TYR: variants seen among roughly 807,000 people sequenced by gnomAD.
TYR encodes LB24-AB.
A neutral mutation model predicts 51.5 loss-of-function variants in TYR; 58 were observed. The observed-to-expected ratio is 1.13, with a 90% confidence interval of 0.91 to 1.40. The LOEUF (loss-of-function observed/expected upper bound fraction) is 1.40, where lower values mean the gene tolerates loss of function less well. TYR is among the 40% of genes most tolerant of loss of function. TYR has a pLI of 0.00. For missense variants in TYR, 732 were observed against 647.4 expected, an observed-to-expected ratio of 1.13 and a Z score of -1.42; for synonymous variants, 263 against 235.2, an observed-to-expected ratio of 1.12 and a Z score of -1.08.
At chr11:89,290,399 T>A (rs113503769) in intron 4 of TYR, among the ~76,000 whole-genome samples, 2,166 of 152,166 alleles carry the variant, frequency 0.014, 43 homozygotes, top group African/African-American at 0.049. Flanking sequence ...AGAAATAGTA[T>A]TTAAAAGCTG....
intron 4 of TYR, among the ~76,000 whole-genome samples, chr11:89,290,788 A>C (rs1191498687): frequency 6.6e-6 from 1 of 152,044 alleles, no homozygotes; most frequent in African/African-American, 2.4e-5. Context: ...CTGCAAGGTA[A>C]GCCCAGGATG....
chr11:89,238,464 AT>A (rs1223065769), intron 3 of TYR, among the ~76,000 whole-genome samples: 1 of 152,026 alleles, frequency 6.6e-6, no homozygotes, highest in African/African-American at 2.4e-5. Flanking sequence ...TACTGAAGTC[AT>A]TTTTTAATTT....
chr11:89,195,261 T>C (rs1406668554), intron 2 of TYR, among the ~76,000 whole-genome samples: 2 of 152,240 alleles, frequency 1.3e-5, no homozygotes, highest in Non-Finnish European at 2.9e-5. Flanking sequence ...AAAATATTCA[T>C]AGTCATTGCT....
At chr11:89,206,672 A>AC (rs56674263) in intron 2 of TYR, among the ~76,000 whole-genome samples, 10 of 151,132 alleles carry the variant, frequency 6.6e-5, no homozygotes, top group African/African-American at 2.4e-4. Context: ...AACAACAACA[A>AC]AAAATATTTA....
In TYR at chr11:89,227,803, CA is replaced by C. The variant is rs2135281721; in HGVS notation, c.1037-19del. 2 of 1,603,088 alleles carry C rather than the reference CA, an allele frequency of 1.2e-6. No homozygotes were observed. Among genetic ancestry groups the C allele is most frequent in the East Asian group, 4.5e-5 (2 of 44,674 alleles). On this transcript the variant is annotated intron_variant, in intron 2 of 4. Transcript: ENST00000263321. Reference sequence around the variant, plus strand: ...GTCATTAAAGTAAACATATTTTTTTCATTTTTTTTTAATGAACAGGATTTGC... The same window carrying C: ...GTCATTAAAGTAAACATATTTTTTTCTTTTTTTTTAATGAACAGGATTTGC...
intron 3 of TYR, among the ~76,000 whole-genome samples, chr11:89,237,638 T>C (rs995340837): frequency 2.0e-5 from 3 of 152,192 alleles, no homozygotes; most frequent in Non-Finnish European, 4.4e-5. Flanking sequence ...TCTCCTGCTT[T>C]GTTTTTATTA....
At chr11:89,199,002 C>T (rs1201814167) in intron 2 of TYR, among the ~76,000 whole-genome samples, 2 of 152,032 alleles carry the variant, frequency 1.3e-5, no homozygotes, top group African/African-American at 2.4e-5. Context: ...TGAGTGAGAA[C>T]ATGCGGTGTT....
rs540781124 is a variant in TYR at position 89,212,482 on chromosome 11, A to T, written c.1037-15341A>T. On this transcript the variant is annotated intron_variant, in intron 2 of 4. Coordinates refer to ENST00000263321, the MANE Select transcript of TYR (RefSeq NM_000372.5). ...CTAAAAAAAGTCCAGGATCAGATGG[A>T]TTCACAGCCGAATTCCACCAGAGGT... 2.0e-5 allele frequency among the ~76,000 whole-genome samples: 3 copies of T among 152,324 alleles called. No homozygotes were observed. The South Asian group carries it at 6.2e-4, about 32-fold the overall frequency.
chr11:89,182,711 G>A (rs1943317844), intron 1 of TYR, among the ~76,000 whole-genome samples: 1 of 152,044 alleles, frequency 6.6e-6, no homozygotes, highest in South Asian at 2.1e-4. Flanking sequence ...AATTAAAATA[G>A]TTCATTATAT....
At position 89,194,447 on chromosome 11, in the gene TYR, T is replaced by G. The variant is rs188715962; in HGVS notation, c.1036+3029T>G. ...CAGATGTGGTCCAATTTTCCCACTG[T>G]ATAATTATTTCTTCCCCTTGTTTAA... On this transcript the variant is annotated intron_variant, in intron 2 of 4. Transcript: ENST00000263321. Among the ~76,000 whole-genome samples, 19 of 152,304 alleles carry G rather than the reference T, an allele frequency of 1.2e-4. No homozygotes were observed. The East Asian group carries it at 3.7e-3, about 29-fold the overall frequency.
chr11:89,290,879 A>ATTATAGAGAGTATCTTCTATATGCG (rs1944846202), intron 4 of TYR, among the ~76,000 whole-genome samples: 2 of 152,020 alleles, frequency 1.3e-5, no homozygotes, highest in Non-Finnish European at 2.9e-5. Context: ...TTCTATATGC[A>ATTATAGAGAGTATCTTCTATATGCG]TTATAGAGAG....
chr11:89,237,897 G>A (rs898998898), intron 3 of TYR, among the ~76,000 whole-genome samples: 1 of 151,888 alleles, frequency 6.6e-6, no homozygotes, highest in Non-Finnish European at 1.5e-5. Flanking sequence ...GTGCAGTGAC[G>A]TGATCTTGGC....
chr11:89,271,158 TACTC>T lies in TYR; in HGVS notation c.1185-13614_1185-13611del, dbSNP rs532628372. Among the ~76,000 whole-genome samples the T allele has an allele frequency of 2.6e-3, 388 of 152,008 alleles. 3 individuals carry two copies. The highest frequency in any genetic ancestry group is 8.3e-3 in the Admixed American group (126 of 15,232). On this transcript the variant is annotated intron_variant, in intron 3 of 4. Coordinates refer to ENST00000263321, the MANE Select transcript of TYR (RefSeq NM_000372.5). ...TAACAATAATAATAACATCTATACT[TACTC>T]TATGCTACACGTTACTCTAATTGAT...
chr11:89,235,773 T>A (rs1385346906), intron 3 of TYR, among the ~76,000 whole-genome samples: 1 of 152,252 alleles, frequency 6.6e-6, no homozygotes, highest in African/African-American at 2.4e-5. Flanking sequence ...CTGCACAGCA[T>A]GATGATTATA....
chr11:89,192,485 C>A (rs1943459264), intron 2 of TYR, among the ~76,000 whole-genome samples: 1 of 152,078 alleles, frequency 6.6e-6, no homozygotes, highest in Admixed American at 6.6e-5. Context: ...GTAATCCTTT[C>A]TCCTTGACTT....
intron 3 of TYR, among the ~76,000 whole-genome samples, chr11:89,248,735 TA>T (rs1944296869): frequency 1.3e-5 from 2 of 152,144 alleles, no homozygotes; most frequent in African/African-American, 4.8e-5. Flanking sequence ...TTGTGACAAA[TA>T]GACTGTTAGA....
intron 3 of TYR, among the ~76,000 whole-genome samples, chr11:89,277,704 T>C (rs1237451603): frequency 1.3e-5 from 2 of 151,704 alleles, no homozygotes; most frequent in African/African-American, 4.8e-5. Context: ...CTTTGCTCAG[T>C]AGCATAAGCC....
intron 2 of TYR, among the ~76,000 whole-genome samples, chr11:89,196,233 A>G (rs888111024): frequency 6.6e-6 from 1 of 152,218 alleles, no homozygotes; most frequent in African/African-American, 2.4e-5. Flanking sequence ...GTAAGTTTAC[A>G]GTGAGTCCTG....
chr11:89,269,126 A>G (rs371887125), intron 3 of TYR, among the ~76,000 whole-genome samples: 174 of 152,120 alleles, frequency 1.1e-3, no homozygotes, highest in African/African-American at 4.0e-3. Flanking sequence ...ATGATTCTTA[A>G]CATGATAGAA....
Sources: allele counts gnomAD v4.1 joint callset (sites outside exome capture counted in the v4.1 genomes callset), GRCh38; gene constraint gnomAD v4.1.1; transcripts MANE v1.5; gene names NCBI Gene and HGNC (gene_info 2026-07-23, HGNC 2026-07-21).